SLIT3: variants seen among roughly 807,000 people sequenced by gnomAD.
SLIT3 encodes the protein slit homolog 3 protein.
In SLIT3, 68 loss-of-function variants were observed where a neutral mutation model predicts 184.0. The observed-to-expected ratio is 0.37, with a 90% CI of 0.30 to 0.45. The LOEUF is 0.45. SLIT3 is among the 20% of genes least tolerant of loss of function. The pLI, the probability that SLIT3 is intolerant of heterozygous loss-of-function variation, is 1.00. For synonymous variants in SLIT3, 831 were observed against 828.6 expected (o/e 1.00, Z -0.05); for missense variants, 1,707 against 2,026.0 (o/e 0.84, Z 3.02).
At chr5:168,883,184 T>C (rs1221969290) in intron 5 of SLIT3, 81 bp downstream of exon 5, 1 of 1,138,764 alleles carries the variant, frequency 8.8e-7, no homozygotes, top group East Asian at 2.4e-5. Context: ...GACCACCCTC[T>C]TGTCCCATCC....
At chr5:169,053,297 C>T in intron 4 of SLIT3, among the ~76,000 whole-genome samples, 1 of 152,212 alleles carries the variant, frequency 6.6e-6, no homozygotes, top group South Asian at 2.1e-4. Context: ...GTGTCTGTGG[C>T]TCTAACTTTT....
At chr5:168,705,127 T>G (rs1019557540) in intron 26 of SLIT3, among the ~76,000 whole-genome samples, 31 of 152,252 alleles carry the variant, frequency 2.0e-4, no homozygotes, top group African/African-American at 7.0e-4. Context: ...ACCTGGAAAT[T>G]CAGACAGGTC....
chr5:168,666,700 C>T lies in SLIT3; in HGVS notation c.4337-11G>A, dbSNP rs778600733. ...CCAGGCACGGATTCTCTGCAGAGGGCATAGAAGTCAGGGCATTGGTGGTCT... is the reference window on the plus strand; with the variant it reads ...CCAGGCACGGATTCTCTGCAGAGGGTATAGAAGTCAGGGCATTGGTGGTCT... On this transcript the variant is annotated splice_polypyrimidine_tract_variant and intron_variant, in intron 35 of 35. Coordinates refer to ENST00000519560, the MANE Select transcript of SLIT3 (RefSeq NM_003062.4). 6.2e-6 allele frequency: 10 copies of T among 1,614,066 alleles called. No homozygotes were observed. In the East Asian group the frequency reaches 2.2e-4, roughly 36 times the overall value.
At chr5:168,786,736 C>T (rs1345773216) in intron 11 of SLIT3, among the ~76,000 whole-genome samples, 1 of 152,112 alleles carries the variant, frequency 6.6e-6, no homozygotes, top group African/African-American at 2.4e-5. Context: ...TCTCCCACTC[C>T]AGCACAGTGC....
At chr5:168,861,256 A>T (rs1253124666) in intron 5 of SLIT3, among the ~76,000 whole-genome samples, 2 of 147,548 alleles carry the variant, frequency 1.4e-5, no homozygotes, top group African/African-American at 5.0e-5. Context: ...TCCCTCCCCC[A>T]TCCCCCCATC....
At chr5:169,037,235 A>T (rs1427470773) in intron 4 of SLIT3, among the ~76,000 whole-genome samples, 1 of 152,230 alleles carries the variant, frequency 6.6e-6, no homozygotes, top group African/African-American at 2.4e-5. Context: ...TCAAGAAACA[A>T]AGTCCATAAT....
At chr5:168,963,955 C>T (rs750846391) in intron 4 of SLIT3, among the ~76,000 whole-genome samples, 8 of 152,162 alleles carry the variant, frequency 5.3e-5, no homozygotes, top group Non-Finnish European at 1.0e-4. Context: ...TTTTAAAAGA[C>T]CTACTGAGCA....
rs114121685 is a variant in SLIT3, at chr5:168,832,148, C to G, written c.558-8817G>C. Among the ~76,000 whole-genome samples, 291 of 152,312 alleles carry G rather than the reference C, an allele frequency of 1.9e-3. 1 individual carries two copies. The highest frequency in any genetic ancestry group is 6.5e-3 in the African/African-American group (271 of 41,562). ...CATGTGAATGAGATGGCCTTGGTCTCCCAATTCTGTTTCATCATCTACAGA... is the reference window on the plus strand; with the variant it reads ...CATGTGAATGAGATGGCCTTGGTCTGCCAATTCTGTTTCATCATCTACAGA... On this transcript the variant is annotated intron_variant, in intron 6 of 35. Coordinates refer to ENST00000519560, the MANE Select transcript of SLIT3 (RefSeq NM_003062.4).
At chr5:169,255,489 A>T (rs1765925585) in intron 1 of SLIT3, among the ~76,000 whole-genome samples, 1 of 152,248 alleles carries the variant, frequency 6.6e-6, no homozygotes, top group Non-Finnish European at 1.5e-5. Context: ...AGTTTATAAA[A>T]TAAGCATACA....
At chr5:169,212,160 T>C (rs976541219) in intron 3 of SLIT3, among the ~76,000 whole-genome samples, 1 of 152,128 alleles carries the variant, frequency 6.6e-6, no homozygotes, top group Non-Finnish European at 1.5e-5. Flanking sequence ...CTGGGTCAAA[T>C]GGTATTTCTA....
chr5:169,032,468 C>T (rs1370842091), intron 4 of SLIT3, among the ~76,000 whole-genome samples: 4 of 151,692 alleles, frequency 2.6e-5, no homozygotes, highest in African/African-American at 9.7e-5. Context: ...ATATTTAGTT[C>T]ATACCATGTC....
At chr5:168,974,721 G>A (rs1382128130) in intron 4 of SLIT3, among the ~76,000 whole-genome samples, 2 of 152,188 alleles carry the variant, frequency 1.3e-5, no homozygotes, top group African/African-American at 4.8e-5. Context: ...GGGAGGGGCT[G>A]TCACCCACCA....
intron 4 of SLIT3, among the ~76,000 whole-genome samples, chr5:168,938,306 T>C (rs560298504): frequency 4.0e-4 from 61 of 152,348 alleles, no homozygotes; most frequent in African/African-American, 1.3e-3. Context: ...TTTAATGATA[T>C]GGATAAATCT....
chr5:168,754,950 C>T (rs1754842347), intron 16 of SLIT3, among the ~76,000 whole-genome samples: 1 of 152,194 alleles, frequency 6.6e-6, no homozygotes, highest in African/African-American at 2.4e-5. Flanking sequence ...GCTCCCCACT[C>T]CTTGGGACTA....
chr5:168,793,484 G>T (rs1216306462), intron 10 of SLIT3, among the ~76,000 whole-genome samples: 1 of 152,008 alleles, frequency 6.6e-6, no homozygotes, highest in Non-Finnish European at 1.5e-5. Context: ...CTTCTCTATT[G>T]CCATCCTCTT....
chr5:169,253,074 G>T (rs1476073801), intron 1 of SLIT3, among the ~76,000 whole-genome samples: 1 of 142,020 alleles, frequency 7.0e-6, no homozygotes, highest in Admixed American at 7.5e-5. Context: ...TCTGAGTGCT[G>T]GTTTAGAAGA....
At chr5:168,679,746 C>T (rs1366546387) in intron 32 of SLIT3, among the ~76,000 whole-genome samples, 2 of 152,184 alleles carry the variant, frequency 1.3e-5, no homozygotes, top group East Asian at 1.9e-4. Flanking sequence ...TAGCACAGCC[C>T]ACACTCTCTC....
chr5:168,684,906 A>G (rs1446667772), intron 31 of SLIT3, among the ~76,000 whole-genome samples: 1 of 152,070 alleles, frequency 6.6e-6, no homozygotes, highest in African/African-American at 2.4e-5. Context: ...CTAGCTACAC[A>G]TGAATCTCTT....
rs1561860732 is a variant in SLIT3, at chr5:168,662,624, C to T, written c.*3830G>A. On this transcript the variant is annotated 3_prime_UTR_variant, in exon 36 of 36. Coordinates refer to ENST00000519560, the MANE Select transcript of SLIT3 (RefSeq NM_003062.4). ...ACAGCAACAACAACAGTAATAATAA[C>T]AACAGCATCTTACATTTAAGGTTTT... is the stretch of plus-strand genomic sequence containing the variant. 3 of 152,224 alleles carry T rather than the reference C, an allele frequency of 2.0e-5. No individual in the cohort carries two copies. Among genetic ancestry groups the T allele is most frequent in the African/African-American group, 7.2e-5 (3 of 41,454 alleles). 9.4% of individuals were successfully genotyped at this position (152,224 alleles called of 1,614,324 possible).
Sources: gnomAD v4.1 joint callset for allele counts (sites outside exome capture counted in the v4.1 genomes callset) on GRCh38, gnomAD v4.1.1 for gene constraint, MANE v1.5 for transcripts, NCBI Gene and HGNC (gene_info 2026-07-23, HGNC 2026-07-21) for gene names.